Variants in PTPRM observed in about 807,000 individuals in gnomAD.
The protein encoded by PTPRM is protein tyrosine phosphatase receptor type M.
PTPRM carries 47 observed loss-of-function variants against 186.7 expected under a neutral mutation model. The ratio of observed to expected loss-of-function variants is 0.25; its 90% CI spans 0.20 to 0.32. The LOEUF is 0.32. PTPRM is among the 10% of genes least tolerant of loss of function. The pLI, the probability that PTPRM is intolerant of heterozygous loss-of-function variation, is 1.00. For missense variants in PTPRM, 1,494 were observed against 1,865.0 expected, an observed-to-expected ratio of 0.80 and a Z score of 3.66; for synonymous variants, 668 against 674.9, an observed-to-expected ratio of 0.99 and a Z score of 0.16.
intron 1 of PTPRM, among the ~76,000 whole-genome samples, chr18:7,725,110 A>G (rs905574200): frequency 1.3e-5 from 2 of 152,184 alleles, no homozygotes; most frequent in Non-Finnish European, 2.9e-5. Flanking sequence ...CATCTAAATG[A>G]TGGACATCTA....
intron 1 of PTPRM, among the ~76,000 whole-genome samples, chr18:7,759,754 A>G (rs2041681281): frequency 6.6e-6 from 1 of 152,174 alleles, no homozygotes; most frequent in Non-Finnish European, 1.5e-5. Flanking sequence ...ATGTGAAGCC[A>G]TTTTCATATT....
intron 1 of PTPRM, among the ~76,000 whole-genome samples, chr18:7,594,507 A>T (rs1372322667): frequency 6.6e-6 from 1 of 151,394 alleles, no homozygotes; most frequent in Non-Finnish European, 1.5e-5. Flanking sequence ...CCAAACAAAC[A>T]AAAAAAAGAA....
At chr18:8,373,127 G>A (rs116271036) in intron 24 of PTPRM, among the ~76,000 whole-genome samples, 223 of 152,276 alleles carry the variant, frequency 1.5e-3, no homozygotes, top group Middle Eastern at 6.8e-3. Context: ...TTTTCTAACC[G>A]GGCAATTGGA....
At chr18:7,762,021 A>G (rs965606825) in intron 1 of PTPRM, among the ~76,000 whole-genome samples, 10 of 152,172 alleles carry the variant, frequency 6.6e-5, no homozygotes, top group South Asian at 2.1e-4. Flanking sequence ...ACATTCTGTT[A>G]AATCTAGCAA....
At chr18:8,107,279 G>A (rs548806647) in intron 11 of PTPRM, among the ~76,000 whole-genome samples, 2 of 152,296 alleles carry the variant, frequency 1.3e-5, no homozygotes, top group African/African-American at 2.4e-5. Flanking sequence ...TAATTTACTC[G>A]AAATGTGGTG....
At chr18:7,767,573 G>T (rs569028488) in intron 1 of PTPRM, among the ~76,000 whole-genome samples, 10 of 152,000 alleles carry the variant, frequency 6.6e-5, no homozygotes, top group Admixed American at 2.6e-4. Context: ...TACTACTCTT[G>T]GATCAACTGA....
chr18:8,016,361 A>G (rs1386994609), intron 7 of PTPRM, among the ~76,000 whole-genome samples: 1 of 152,022 alleles, frequency 6.6e-6, no homozygotes, highest in Non-Finnish European at 1.5e-5. Context: ...CTCTACTGAA[A>G]ATAAAAAAGT....
intron 2 of PTPRM, among the ~76,000 whole-genome samples, chr18:7,859,639 G>C (rs776700831): frequency 8.5e-5 from 13 of 152,222 alleles, no homozygotes; most frequent in Non-Finnish European, 1.9e-4. Context: ...GGGAACTCAG[G>C]CTTCCAGGAT....
intron 1 of PTPRM, among the ~76,000 whole-genome samples, chr18:7,727,755 G>T (rs147969052): frequency 1.3e-5 from 2 of 152,180 alleles, no homozygotes; most frequent in African/African-American, 4.8e-5. Context: ...TGTATTAAAC[G>T]TGTGCAATTT....
intron 7 of PTPRM, among the ~76,000 whole-genome samples, chr18:8,021,643 GT>G (rs1215689754): frequency 6.6e-6 from 1 of 152,130 alleles, no homozygotes; most frequent in Non-Finnish European, 1.5e-5. Flanking sequence ...TCCTGTGTGT[GT>G]TTGCTGAGGT....
At position 8,406,200 on chromosome 18, in the gene PTPRM, A is replaced by G. The variant is rs370285839; in HGVS notation, c.*38A>G. ...CTCTGCAAACAATCCCTTTCATACC[A>G]CAAAGCCAAGACGTTCCATGGTATT... On this transcript the variant is annotated 3_prime_UTR_variant, in exon 33 of 33. Transcript: ENST00000580170. 425 of 1,584,810 alleles carry G rather than the reference A, an allele frequency of 2.7e-4. 2 individuals carry two copies. In the Middle Eastern group the frequency reaches 3.2e-3, roughly 12 times the overall value.
At chr18:7,736,239 C>T (rs2040768971) in intron 1 of PTPRM, among the ~76,000 whole-genome samples, 2 of 152,108 alleles carry the variant, frequency 1.3e-5, no homozygotes, top group Non-Finnish European at 2.9e-5. Context: ...CTGCTTAGCT[C>T]CAGGTAGGAA....
At chr18:8,193,342 A>G (rs116740533) in intron 14 of PTPRM, among the ~76,000 whole-genome samples, 24 of 152,322 alleles carry the variant, frequency 1.6e-4, no homozygotes, top group African/African-American at 5.5e-4. Context: ...ATCAAGGGGC[A>G]GTAATACAGC....
At chr18:7,609,722 C>T (rs1004463749) in intron 1 of PTPRM, among the ~76,000 whole-genome samples, 1 of 152,122 alleles carries the variant, frequency 6.6e-6, no homozygotes, top group African/African-American at 2.4e-5. Context: ...ATCTCCCAAA[C>T]CCTGTGAGCT....
intron 1 of PTPRM, among the ~76,000 whole-genome samples, chr18:7,665,279 A>G (rs1373676468): frequency 2.6e-5 from 4 of 152,206 alleles, no homozygotes; most frequent in Non-Finnish European, 5.9e-5. Flanking sequence ...GTGTGTGTGC[A>G]TGCATGTTTA....
At chr18:7,662,112 T>G (rs907023306) in intron 1 of PTPRM, among the ~76,000 whole-genome samples, 1 of 143,984 alleles carries the variant, frequency 6.9e-6, no homozygotes, top group African/African-American at 2.9e-5. Flanking sequence ...TTTTTTGTAT[T>G]TTTTGTAGAG....
intron 2 of PTPRM, among the ~76,000 whole-genome samples, chr18:7,787,557 A>G (rs2145164980): frequency 6.6e-6 from 1 of 152,324 alleles, no homozygotes; most frequent in Middle Eastern, 3.4e-3. Flanking sequence ...TGTCATGGTG[A>G]CTGTGGCAGC....
intron 1 of PTPRM, among the ~76,000 whole-genome samples, chr18:7,738,940 A>G (rs1425377229): frequency 2.0e-5 from 3 of 152,066 alleles, no homozygotes; most frequent in African/African-American, 7.2e-5. Flanking sequence ...CTGGCAGCAC[A>G]CCGCCAGACA....
intron 7 of PTPRM, among the ~76,000 whole-genome samples, chr18:7,994,670 A>G (rs1794915926): frequency 6.6e-6 from 1 of 152,190 alleles, no homozygotes; most frequent in African/African-American, 2.4e-5. Context: ...CAGTAGCAAG[A>G]GAAATGTTGG....
Sources: allele counts gnomAD v4.1 joint callset (sites outside exome capture counted in the v4.1 genomes callset), GRCh38; gene constraint gnomAD v4.1.1; transcripts MANE v1.5; gene names NCBI Gene and HGNC (gene_info 2026-07-23, HGNC 2026-07-21).